Variants in EPHA3 observed in about 807,000 individuals in gnomAD.
The protein encoded by EPHA3 is EPH receptor A3, also known as ephrin type-A receptor 3.
In EPHA3, 42 loss-of-function variants were observed where a neutral mutation model predicts 107.1. That is an observed-to-expected ratio of 0.39 (90% CI 0.31 to 0.51). EPHA3 has a LOEUF of 0.51. Ranked by LOEUF, EPHA3 falls within the 20% of genes least tolerant of loss-of-function variation. EPHA3 has a pLI of 0.78. For synonymous variants in EPHA3, 461 were observed against 424.8 expected, an observed-to-expected ratio of 1.09 and a Z score of -1.05; for missense variants, 1,183 against 1,211.2, an observed-to-expected ratio of 0.98 and a Z score of 0.35.
chr3:89,217,172 A>C (rs1325742857), intron 3 of EPHA3, among the ~76,000 whole-genome samples: 1 of 152,182 alleles, frequency 6.6e-6, no homozygotes, highest in African/African-American at 2.4e-5. Context: ...AGCTGGCACT[A>C]AAGTTTAATA....
In EPHA3 at chr3:89,411,069, T is replaced by C. The variant is rs1170874442; in HGVS notation, c.1763-2072T>C. 2.6e-5 allele frequency among the ~76,000 whole-genome samples: 4 copies of C among 151,956 alleles called. No homozygotes were observed. In the South Asian group the frequency reaches 6.2e-4, roughly 24 times the overall value. On this transcript the variant is annotated intron_variant, in intron 9 of 16. Coordinates refer to ENST00000336596, the MANE Select transcript of EPHA3 (RefSeq NM_005233.6). ...ATTAATAATTGTAAATAAATGTTCT[T>C]AACAATAAAAACGCTCATTAGGGCA...
intron 3 of EPHA3, among the ~76,000 whole-genome samples, chr3:89,281,367 A>G (rs529642402): frequency 2.1e-4 from 32 of 152,282 alleles, no homozygotes; most frequent in African/African-American, 6.3e-4. Flanking sequence ...AGAAAATCAG[A>G]GAGGGTAAGT....
chr3:89,362,129 T>C (rs1359312023), intron 5 of EPHA3, among the ~76,000 whole-genome samples: 1 of 151,122 alleles, frequency 6.6e-6, no homozygotes, highest in Non-Finnish European at 1.5e-5. Flanking sequence ...TGTTTCGTTT[T>C]AAATAAGTGT....
At chr3:89,288,542 T>G (rs540420588) in intron 3 of EPHA3, among the ~76,000 whole-genome samples, 14 of 152,184 alleles carry the variant, frequency 9.2e-5, no homozygotes, top group African/African-American at 3.1e-4. Context: ...TACTGCATGG[T>G]TTTCAGGAGC....
intron 3 of EPHA3, among the ~76,000 whole-genome samples, chr3:89,329,835 G>A (rs1421393139): frequency 1.3e-5 from 2 of 151,888 alleles, no homozygotes; most frequent in African/African-American, 2.4e-5. Flanking sequence ...ACCTTCACTG[G>A]GAGAGGGGAA....
At chr3:89,257,476 T>A (rs1257935256) in intron 3 of EPHA3, among the ~76,000 whole-genome samples, 4 of 152,108 alleles carry the variant, frequency 2.6e-5, no homozygotes, top group African/African-American at 9.7e-5. Context: ...CAGGGACTTT[T>A]GGAGAAATAG....
At chr3:89,378,709 C>G (rs1462380980) in intron 5 of EPHA3, among the ~76,000 whole-genome samples, 1 of 152,140 alleles carries the variant, frequency 6.6e-6, no homozygotes, top group Non-Finnish European at 1.5e-5. Context: ...TAAATACATA[C>G]ATTGGATTGA....
At chr3:89,362,074 A>T (rs1296646556) in intron 5 of EPHA3, among the ~76,000 whole-genome samples, 4 of 151,116 alleles carry the variant, frequency 2.6e-5, no homozygotes, top group Non-Finnish European at 5.9e-5. Context: ...CACCTTAAGA[A>T]ATGTTATGTG....
At chr3:89,388,217 G>A (rs971755347) in intron 5 of EPHA3, among the ~76,000 whole-genome samples, 1 of 152,020 alleles carries the variant, frequency 6.6e-6, no homozygotes. Flanking sequence ...AGAGGAACCA[G>A]CCAGAAAATA....
chr3:89,174,968 G>A (rs550393224), intron 2 of EPHA3, among the ~76,000 whole-genome samples: 30 of 151,982 alleles, frequency 2.0e-4, no homozygotes, highest in African/African-American at 7.2e-4. Context: ...TTAATTGGAA[G>A]CATGTATTAA....
At chr3:89,208,801 A>C (rs1706191879) in intron 2 of EPHA3, among the ~76,000 whole-genome samples, 1 of 152,216 alleles carries the variant, frequency 6.6e-6, no homozygotes, top group Non-Finnish European at 1.5e-5. Flanking sequence ...TAAGAGGAAC[A>C]CAAATGTGAA....
chr3:89,476,583 A>AT (rs1559710389), intron 16 of EPHA3, among the ~76,000 whole-genome samples: 45 of 130,796 alleles, frequency 3.4e-4, no homozygotes, highest in African/African-American at 1.2e-3. Flanking sequence ...GACTATTATT[A>AT]TTTTTATTTA....
At chr3:89,385,752 CAGA>C (rs1331166150) in intron 5 of EPHA3, among the ~76,000 whole-genome samples, 7 of 152,218 alleles carry the variant, frequency 4.6e-5, no homozygotes, top group South Asian at 2.1e-4. Context: ...TTGGAAAACT[CAGA>C]AGAAGACAGG....
intron 15 of EPHA3, among the ~76,000 whole-genome samples, chr3:89,467,611 C>A (rs1347951466): frequency 6.6e-6 from 1 of 152,070 alleles, no homozygotes; most frequent in Admixed American, 6.5e-5. Flanking sequence ...TGAGCTTTTT[C>A]CCCAGTATCT....
chr3:89,118,132 A>T (rs1014798542), intron 1 of EPHA3, among the ~76,000 whole-genome samples: 3 of 152,020 alleles, frequency 2.0e-5, no homozygotes, highest in Non-Finnish European at 2.9e-5. Context: ...ACTCATTTAC[A>T]TTCGATAACT....
chr3:89,400,984 A>G (rs1198714869), intron 7 of EPHA3, among the ~76,000 whole-genome samples: 1 of 152,094 alleles, frequency 6.6e-6, no homozygotes, highest in Non-Finnish European at 1.5e-5. Context: ...GACCATTCCC[A>G]TTTCCCATTC....
At chr3:89,387,982 C>A (rs1366167471) in intron 5 of EPHA3, among the ~76,000 whole-genome samples, 1 of 151,886 alleles carries the variant, frequency 6.6e-6, no homozygotes, top group Admixed American at 6.6e-5. Flanking sequence ...ATCAAAAAAT[C>A]GGGGGAGGAA....
At chr3:89,275,827 G>T (rs1198382193) in intron 3 of EPHA3, among the ~76,000 whole-genome samples, 3 of 152,070 alleles carry the variant, frequency 2.0e-5, no homozygotes, top group African/African-American at 7.2e-5. Context: ...CATACTAAAA[G>T]CTACGAACTT....
At chr3:89,350,410 G>A (rs146122084) in intron 5 of EPHA3, among the ~76,000 whole-genome samples, 6,848 of 127,128 alleles carry the variant, frequency 0.054, 526 homozygotes, top group African/African-American at 0.17. Context: ...TGATCACATC[G>A]TCTCCTGAGG....
Sources: allele counts gnomAD v4.1 joint callset (sites outside exome capture counted in the v4.1 genomes callset), GRCh38; gene constraint gnomAD v4.1.1; transcripts MANE v1.5; gene names NCBI Gene and HGNC (gene_info 2026-07-23, HGNC 2026-07-21).